EYA3: variants seen among roughly 807,000 people sequenced by gnomAD.
The protein encoded by EYA3 is protein phosphatase EYA3.
Under a neutral mutation model 80.0 loss-of-function variants are expected in EYA3, and 39 were observed. The observed-to-expected ratio is 0.49, with a 90% CI of 0.38 to 0.64. The LOEUF is 0.64. EYA3 is among the 30% of genes least tolerant of loss of function. The pLI, the probability that EYA3 is intolerant of heterozygous loss-of-function variation, is 0.00. For missense variants in EYA3, 523 were observed against 676.1 expected (o/e 0.77, Z 2.51); for synonymous variants, 206 against 232.8 (o/e 0.88, Z 1.05).
At chr1:28,019,110 G>A (rs1220104124) in intron 7 of EYA3, among the ~76,000 whole-genome samples, 1 of 152,118 alleles carries the variant, frequency 6.6e-6, no homozygotes, top group Non-Finnish European at 1.5e-5. Context: ...AGGTTGCAGT[G>A]AGCTGAGATC....
intron 7 of EYA3, among the ~76,000 whole-genome samples, chr1:28,018,955 C>T (rs1263384914): frequency 1.3e-5 from 2 of 152,132 alleles, no homozygotes; most frequent in African/African-American, 4.8e-5. Context: ...CACCTGAGGT[C>T]AAGAGTTTGA....
rs374097479 is a variant in EYA3 at position 28,048,407 on chromosome 1, T to C, written c.53A>G (p.Gln18Arg). 11 of 1,612,150 alleles carry C rather than the reference T, an allele frequency of 6.8e-6. No individual in the cohort carries two copies. The highest frequency in any genetic ancestry group is 9.3e-6 in the Non-Finnish European group (11 of 1,178,948). The change falls in exon 3 of 18, where the codon CAG becomes CGG. Residue 18 changes from glutamine to arginine, a missense_variant. Gln to Arg is a conservative substitution (Grantham distance 43). This residue lies in a region of EYA3 where 304 missense variants were observed against 343.3 expected (regional missense o/e 0.89). Coordinates refer to ENST00000373871, the MANE Select transcript of EYA3 (RefSeq NM_001990.4). ...CCTTATAGTTTGCTCTCCTGATTCC[T>C]GCATCTTGGCTTTTTTCACCTGCAA... ...PEQPVKKAKM[Q>R]ESGEQTISQV...
intron 17 of EYA3, among the ~76,000 whole-genome samples, chr1:27,976,820 C>T (rs1011280291): frequency 3.3e-5 from 5 of 152,106 alleles, no homozygotes; most frequent in African/African-American, 1.2e-4. Context: ...AGGGTTCAAG[C>T]AATTCTTGTG....
intron 1 of EYA3, among the ~76,000 whole-genome samples, chr1:28,076,583 T>C (rs1422632630): frequency 6.7e-6 from 1 of 148,558 alleles, no homozygotes; most frequent in African/African-American, 2.5e-5. Flanking sequence ...TGGTGGCACA[T>C]GCCTGTAGTC....
chr1:28,038,439 T>TAAAAAAAAA (rs74525723), intron 5 of EYA3, among the ~76,000 whole-genome samples: 57 of 68,484 alleles, frequency 8.3e-4, no homozygotes, highest in African/African-American at 1.8e-3. Context: ...GATTCTATCT[T>TAAAAAAAAA]AAAAAAAAAA....
In EYA3 at chr1:27,989,793, C is replaced by T. The variant is rs747927206; in HGVS notation, c.1322G>A (p.Arg441Lys). 21 of 1,609,264 alleles carry T rather than the reference C, an allele frequency of 1.3e-5. No homozygotes were observed. In the Middle Eastern group the frequency reaches 1.2e-3, roughly 89 times the overall value. The change falls in exon 15 of 18, where the codon AGG becomes AAG. Residue 441 changes from arginine to lysine, a missense_variant. Arg to Lys is a conservative substitution (Grantham distance 26). This residue lies in a region of EYA3 where 219 missense variants were observed against 332.8 expected (regional missense o/e 0.66). Transcript: ENST00000373871. ...TCTTAATCTCTGCAGTGCTTCCTTC[C>T]TCTGGGGACTGAGGAGACCTTTAGG... The part of the protein sequence containing the change: ...SNVGGLLSPQ[R>K]KEALQRLRAE...
At chr1:27,998,988 C>T (rs540575820) in intron 12 of EYA3, among the ~76,000 whole-genome samples, 6 of 152,218 alleles carry the variant, frequency 3.9e-5, no homozygotes, top group Admixed American at 6.5e-5. Context: ...AGGCTGGTCT[C>T]GAACTCCTGA....
intron 17 of EYA3, chr1:27,977,243 A>G (rs1195453945): frequency 1.3e-6 from 2 of 1,535,106 alleles, no homozygotes; most frequent in Non-Finnish European, 1.8e-6. Context: ...AAAGTGACAA[A>G]TGAAAACATG....
In EYA3 at chr1:28,013,339, A is replaced by C. The variant is rs1641822866; in HGVS notation, c.586-45T>G. On this transcript the variant is annotated intron_variant, in intron 8 of 17. Transcript: ENST00000373871. The surrounding 1 kb of genome is among the most constrained non-coding windows in gnomAD (Gnocchi z 4.0). ...AGAAAACAAGACTCTTATAGCATAC[A>C]TTAATCTCAACACAAGAGGCTTTCT... The C allele has an allele frequency of 7.0e-7, 1 of 1,438,258 alleles. No individual in the cohort carries two copies. The highest frequency in any genetic ancestry group is 9.3e-7 in the Non-Finnish European group (1 of 1,073,768). 89.1% of individuals were successfully genotyped at this position (1,438,258 alleles called of 1,614,324 possible). A position where few individuals can be genotyped will look rare whatever the true frequency, so the allele number is the denominator to read the frequency against.
intron 2 of EYA3, among the ~76,000 whole-genome samples, chr1:28,055,112 T>A (rs1008877541): frequency 1.3e-5 from 2 of 152,182 alleles, no homozygotes; most frequent in African/African-American, 4.8e-5. Flanking sequence ...AGGCTATAAA[T>A]AGGTAAAGTA....
intron 1 of EYA3, among the ~76,000 whole-genome samples, chr1:28,078,685 T>C (rs931202833): frequency 5.3e-5 from 8 of 152,184 alleles, no homozygotes; most frequent in Non-Finnish European, 1.2e-4. Context: ...GCTGGGATTA[T>C]AGGCATGCAC....
intron 6 of EYA3, among the ~76,000 whole-genome samples, chr1:28,033,496 C>A (rs1643265239): frequency 6.6e-6 from 1 of 152,038 alleles, no homozygotes; most frequent in Non-Finnish European, 1.5e-5. Flanking sequence ...AAACACAAGT[C>A]TTCCTTGCCC....
Position 27,988,599 on chromosome 1 carries a change from C to T in EYA3, c.1476G>A (p.Lys492=), listed in dbSNP as rs1369393566. The change falls in exon 16 of 18, where the codon AAG becomes AAA. Residue 492 remains lysine, a synonymous_variant. Transcript: ENST00000373871. ...TTTQLVPALA[K]VLLYGLGEIF... is the part of the protein sequence containing the mutation. ...TTTCTCCTAGTCCATATAGGAGAACCTTGGCCAGGGCTGGAACCAGCTGGG... is the reference window on the plus strand; with the variant it reads ...TTTCTCCTAGTCCATATAGGAGAACTTTGGCCAGGGCTGGAACCAGCTGGG... The T allele has an allele frequency of 1.2e-6, 2 of 1,613,952 alleles. No homozygotes were observed. Among genetic ancestry groups the T allele is most frequent in the African/African-American group, 1.3e-5 (1 of 74,896 alleles).
chr1:27,986,375 T>G (rs113046890), intron 16 of EYA3, among the ~76,000 whole-genome samples: 3,291 of 150,512 alleles, frequency 0.022, 99 homozygotes, highest in African/African-American at 0.067. Flanking sequence ...CAAAAAAAAG[T>G]AGCATAAAAT....
chr1:28,084,582 TATATATATATATA>T (rs1370498190), intron 1 of EYA3, among the ~76,000 whole-genome samples: 114 of 17,118 alleles, frequency 6.7e-3, no homozygotes, highest in African/African-American at 9.7e-3. Flanking sequence ...TATATATATA[TATATATATATATA>T]TTTTTTTTTT....
At chr1:28,079,293 C>T (rs1279508937) in intron 1 of EYA3, among the ~76,000 whole-genome samples, 2 of 152,178 alleles carry the variant, frequency 1.3e-5, no homozygotes, top group Non-Finnish European at 2.9e-5. Flanking sequence ...TTACAGGAAA[C>T]GAATTGGGAC....
intron 17 of EYA3, chr1:27,976,916 C>T: frequency 2.0e-6 from 1 of 502,590 alleles, no homozygotes; most frequent in Non-Finnish European, 2.6e-6. Flanking sequence ...CGGGATTTCA[C>T]CATGTTGGCC....
chr1:28,043,844 A>AAAACAAAC (rs565903040), intron 3 of EYA3, among the ~76,000 whole-genome samples: 2 of 152,094 alleles, frequency 1.3e-5, no homozygotes, highest in African/African-American at 2.4e-5. Flanking sequence ...TCTCAAAAAC[A>AAAACAAAC]AAACAAACAA....
At position 27,973,422 on chromosome 1, in the gene EYA3, G is replaced by A. The variant is rs564960043; in HGVS notation, c.*1044C>T. ...GAAGCTGCAGGGACGAGCATCTGAT[G>A]GGAAATGGGTGCTTCTCTGCAGGGG... On this transcript the variant is annotated 3_prime_UTR_variant, in exon 18 of 18. Transcript: ENST00000373871. The A allele has an allele frequency of 3.3e-5, 5 of 152,346 alleles. No individual in the cohort carries two copies. In the South Asian group the frequency reaches 1.0e-3, roughly 32 times the overall value. The allele number at this position is 152,346 out of a possible 1,614,324, so 9.4% of individuals were successfully genotyped here. A position where few individuals can be genotyped will look rare whatever the true frequency, so the allele number is the denominator to read the frequency against.
Sources: allele counts gnomAD v4.1 joint callset (sites outside exome capture counted in the v4.1 genomes callset), GRCh38; gene constraint gnomAD v4.1.1; regional missense constraint gnomAD v4.1.1; non-coding constraint Gnocchi (gnomAD v3.1); transcripts MANE v1.5; gene names NCBI Gene and HGNC (gene_info 2026-07-23, HGNC 2026-07-21).